MTAP: variants seen among roughly 807,000 people sequenced by gnomAD.
MTAP encodes the protein S-methyl-5'-thioadenosine phosphorylase.
Under a neutral mutation model 33.6 loss-of-function variants are expected in MTAP, and 33 were observed. That is an observed-to-expected ratio of 0.98 (90% CI 0.74 to 1.31). MTAP has a LOEUF of 1.31. Ranked by LOEUF, MTAP falls within the 40% of genes most tolerant of loss-of-function variation. The pLI is 0.00. For synonymous variants in MTAP, 148 were observed against 125.7 expected (o/e 1.18, Z -1.19); for missense variants, 367 against 360.0 (o/e 1.02, Z -0.16).
At chr9:21,821,630 C>G (rs1439753585) in intron 4 of MTAP, among the ~76,000 whole-genome samples, 1 of 152,124 alleles carries the variant, frequency 6.6e-6, no homozygotes, top group East Asian at 1.9e-4. Context: ...CAGGATGATG[C>G]TGGCCTCATA....
At chr9:21,848,930 C>T (rs377211494) in intron 5 of MTAP, among the ~76,000 whole-genome samples, 14 of 152,130 alleles carry the variant, frequency 9.2e-5, no homozygotes, top group Non-Finnish European at 1.9e-4. Flanking sequence ...AGAGGCAAAG[C>T]GGCAATCAGA....
intron 1 of MTAP, among the ~76,000 whole-genome samples, chr9:21,808,520 T>G (rs984660610): frequency 9.3e-5 from 14 of 150,900 alleles, no homozygotes; most frequent in Non-Finnish European, 1.6e-4. Flanking sequence ...ACCCAGGAGG[T>G]TGAGGCTGCA....
intron 1 of MTAP, among the ~76,000 whole-genome samples, chr9:21,921,622 T>G (rs2131033566): frequency 6.6e-6 from 1 of 152,276 alleles, no homozygotes; most frequent in Admixed American, 6.5e-5. Flanking sequence ...GAATGTAGAT[T>G]TTGATTATCA....
chr9:21,876,986 C>CA (rs1826019997), intron 1 of MTAP, among the ~76,000 whole-genome samples: 1 of 152,038 alleles, frequency 6.6e-6, no homozygotes, highest in Non-Finnish European at 1.5e-5. Flanking sequence ...TCTTCCTGTT[C>CA]GTGAGCATGG....
At chr9:21,810,355 G>A (rs1824314855) in intron 1 of MTAP, among the ~76,000 whole-genome samples, 1 of 152,328 alleles carries the variant, frequency 6.6e-6, no homozygotes, top group South Asian at 2.1e-4. Context: ...ACCTGAGACA[G>A]GGTAATTTAT....
chr9:21,919,097 G>C (rs910068286), intron 1 of MTAP, among the ~76,000 whole-genome samples: 1 of 152,164 alleles, frequency 6.6e-6, no homozygotes, highest in African/African-American at 2.4e-5. Context: ...ATTGTGACTA[G>C]GATGAACAAT....
At chr9:21,837,658 C>A (rs1225055559) in intron 4 of MTAP, among the ~76,000 whole-genome samples, 1 of 152,140 alleles carries the variant, frequency 6.6e-6, no homozygotes, top group East Asian at 1.9e-4. Flanking sequence ...GTGGTTACCC[C>A]GTCACGGCTG....
rs1016084140 is a variant in MTAP, at chr9:21,802,777, T to C, written c.29T>C (p.Val10Ala). The C allele has an allele frequency of 3.1e-6, 5 of 1,612,954 alleles. No homozygotes were observed. The highest frequency in any genetic ancestry group is 3.4e-6 in the Non-Finnish European group (4 of 1,179,790). The change falls in exon 1 of 8, where the codon GTG (valine) becomes GCG (alanine). Residue 10 changes from valine (V) to alanine (A), a missense_variant. By Grantham distance (64) the Val-to-Ala change is moderately conservative (BLOSUM62 0). Coordinates refer to ENST00000644715, the MANE Select transcript of MTAP (RefSeq NM_002451.4). MASGTTTTA[V>A]KIGIIGGTGL... ...GCCTCTGGCACCACCACCACCGCCG[T>C]GAAGGTGAGATGAGCCCTCCCAGCC...
chr9:21,839,583 A>G (rs554844347), intron 5 of MTAP, among the ~76,000 whole-genome samples: 9 of 152,256 alleles, frequency 5.9e-5, no homozygotes, highest in African/African-American at 1.4e-4. Context: ...ATTCAGCTTC[A>G]TAAAGACTGA....
intron 1 of MTAP, among the ~76,000 whole-genome samples, chr9:21,915,473 T>C (rs1818672833): frequency 6.6e-6 from 1 of 152,190 alleles, no homozygotes; most frequent in African/African-American, 2.4e-5. Context: ...ACCTGGATTG[T>C]TTCCACTTTT....
At chr9:21,825,912 T>C (rs1253885322) in intron 4 of MTAP, among the ~76,000 whole-genome samples, 2 of 152,070 alleles carry the variant, frequency 1.3e-5, no homozygotes, top group Non-Finnish European at 2.9e-5. Context: ...GCATTTTTCA[T>C]ACAGCTGTTG....
At position 21,912,964 on chromosome 9, in the gene MTAP, T is replaced by C. The variant is rs984199252; in HGVS notation, c.148-18044T>C. On this transcript the variant is annotated intron_variant, in intron 1 of 1. Transcript: ENST00000577563. ...AGGATACAAAATCAATGTACAAAAA[T>C]CACAAGCATTCTTATACACCAATAA... Among the ~76,000 whole-genome samples, 12 of 152,220 alleles carry C rather than the reference T, an allele frequency of 7.9e-5. No individual in the cohort carries two copies. The East Asian group carries it at 2.1e-3, about 27-fold the overall frequency.
chr9:21,886,219 A>AT (rs367830831), intron 1 of MTAP, among the ~76,000 whole-genome samples: 1 of 150,434 alleles, frequency 6.6e-6, no homozygotes, highest in Non-Finnish European at 1.5e-5. Context: ...AATATTGAGC[A>AT]TTTTTTCATG....
At chr9:21,881,848 A>G (rs1479915520) in intron 1 of MTAP, among the ~76,000 whole-genome samples, 3 of 152,030 alleles carry the variant, frequency 2.0e-5, no homozygotes, top group Admixed American at 6.6e-5. Flanking sequence ...TAGAAATACC[A>G]TATGATTCAG....
At chr9:21,814,005 G>C (rs892284164) in intron 1 of MTAP, 1 of 152,214 alleles carries the variant, frequency 6.6e-6, no homozygotes, top group African/African-American at 2.4e-5. Flanking sequence ...TGACATAAAA[G>C]TATGTTAACC....
downstream of MTAP, among the ~76,000 whole-genome samples, chr9:21,938,598 C>G (rs959462601): frequency 1.3e-5 from 2 of 152,050 alleles, no homozygotes; most frequent in Non-Finnish European, 2.9e-5. Context: ...CCGATATGTC[C>G]TGATATGTTA....
chr9:21,848,647 A>C (rs569753141), intron 5 of MTAP, among the ~76,000 whole-genome samples: 1 of 152,138 alleles, frequency 6.6e-6, no homozygotes, highest in African/African-American at 2.4e-5. Context: ...CTTTAGACCT[A>C]TTTATCCCTG....
intron 4 of MTAP, among the ~76,000 whole-genome samples, chr9:21,835,114 T>C (rs187524763): frequency 6.6e-6 from 1 of 152,316 alleles, no homozygotes; most frequent in African/African-American, 2.4e-5. Context: ...TAGCACCTTC[T>C]TATTGTGTCC....
At position 21,863,939 on chromosome 9, in the gene MTAP, A is replaced by G. The variant is rs554187625; in HGVS notation, c.*1925A>G. On this transcript the variant is annotated 3_prime_UTR_variant, in exon 8 of 8. Transcript: ENST00000644715. Reference sequence around the variant, plus strand: ...CTTCCTGATGTAGTATTAAATTTCAACTCTGGTTATCCATTAGCAATCTGT... The same window carrying G: ...CTTCCTGATGTAGTATTAAATTTCAGCTCTGGTTATCCATTAGCAATCTGT... The G allele has an allele frequency of 3.0e-6, 3 of 985,662 alleles. No individual in the cohort carries two copies. Among genetic ancestry groups the G allele is most frequent in the African/African-American group, 3.5e-5 (2 of 57,180 alleles). 61.1% of individuals were successfully genotyped at this position (985,662 alleles called of 1,614,324 possible).
Sources: allele counts gnomAD v4.1 joint callset (sites outside exome capture counted in the v4.1 genomes callset), GRCh38; gene constraint gnomAD v4.1.1; transcripts MANE v1.5; gene names NCBI Gene and HGNC (gene_info 2026-07-23, HGNC 2026-07-21).